The following MBNL2 variants were observed in gnomAD, a reference collection of about 807,000 sequenced individuals.
The protein encoded by MBNL2 is muscleblind like splicing regulator 2.
In MBNL2, 17 loss-of-function variants were observed where a neutral mutation model predicts 41.9. That is an observed-to-expected ratio of 0.41 (90% CI 0.28 to 0.61). The LOEUF (loss-of-function observed/expected upper bound fraction) is 0.61, where lower values mean the gene tolerates loss of function less well. Ranked by LOEUF, MBNL2 falls within the 20% of genes least tolerant of loss-of-function variation. The pLI is 0.35. For synonymous variants in MBNL2, 195 were observed against 182.9 expected (o/e 1.07, Z -0.53); for missense variants, 336 against 505.6 (o/e 0.66, Z 3.22).
chr13:97,336,353 G>A (rs1307609702), intron 3 of MBNL2, among the ~76,000 whole-genome samples: 1 of 151,748 alleles, frequency 6.6e-6, no homozygotes, highest in South Asian at 2.1e-4. Flanking sequence ...GAGTATACGT[G>A]GCTGAATAAT....
intron 1 of MBNL2, among the ~76,000 whole-genome samples, chr13:97,262,012 A>G (rs1337503986): frequency 1.3e-5 from 2 of 152,152 alleles, no homozygotes; most frequent in African/African-American, 4.8e-5. Flanking sequence ...AATGAAAGAA[A>G]CGTGGGAAGG....
intron 8 of MBNL2, among the ~76,000 whole-genome samples, chr13:97,369,224 A>G (rs138758367): frequency 3.7e-4 from 56 of 152,334 alleles, no homozygotes; most frequent in African/African-American, 1.2e-3. Flanking sequence ...ACAAGTTATC[A>G]TCTTGTTAAG....
chr13:97,232,049 G>A (rs766844439), intron 1 of MBNL2, among the ~76,000 whole-genome samples: 10 of 151,884 alleles, frequency 6.6e-5, no homozygotes, highest in Admixed American at 2.0e-4. Flanking sequence ...CATTAACATC[G>A]CATTTATTTA....
At chr13:97,328,828 G>A (rs1332496151) in intron 2 of MBNL2, among the ~76,000 whole-genome samples, 5 of 151,870 alleles carry the variant, frequency 3.3e-5, no homozygotes, top group African/African-American at 1.2e-4. Flanking sequence ...TCTTTTTTGT[G>A]CCCATATTTT....
At chr13:97,356,152 G>A (rs1318922964) in intron 5 of MBNL2, among the ~76,000 whole-genome samples, 1 of 152,102 alleles carries the variant, frequency 6.6e-6, no homozygotes, top group African/African-American at 2.4e-5. Context: ...GTGAAGACAA[G>A]AATTGAGACA....
At chr13:97,218,436 A>AAAACAAAC (rs762731020), upstream of MBNL2, among the ~76,000 whole-genome samples, 2,097 of 108,226 alleles carry the variant, frequency 0.019, 89 homozygotes, top group African/African-American at 0.089. Flanking sequence ...AAAACAAAAC[A>AAAACAAAC]AAACAAAAAA....
At chr13:97,326,513 C>G (rs967279516) in intron 2 of MBNL2, among the ~76,000 whole-genome samples, 2 of 152,104 alleles carry the variant, frequency 1.3e-5, no homozygotes, top group East Asian at 1.9e-4. Flanking sequence ...TATGTTGAAC[C>G]AAATAATAAA....
intron 8 of MBNL2, among the ~76,000 whole-genome samples, chr13:97,371,012 AGT>A (rs1416124755): frequency 6.6e-6 from 1 of 152,220 alleles, no homozygotes; most frequent in Non-Finnish European, 1.5e-5. Flanking sequence ...TTAATCTTAG[AGT>A]GTACATTAGA....
chr13:97,257,126 A>G (rs1438775153), intron 1 of MBNL2, among the ~76,000 whole-genome samples: 1 of 151,734 alleles, frequency 6.6e-6, no homozygotes, highest in Non-Finnish European at 1.5e-5. Context: ...TAATCTGCAT[A>G]CCAGTAAAAG....
intron 2 of MBNL2, among the ~76,000 whole-genome samples, chr13:97,308,823 GA>G (rs1189036821): frequency 1.3e-5 from 2 of 152,228 alleles, no homozygotes; most frequent in East Asian, 3.8e-4. Flanking sequence ...TGCTCTTAAG[GA>G]AGGTACAGTC....
At chr13:97,190,850 A>G in the MBNL2 span, among the ~76,000 whole-genome samples, 1 of 152,210 alleles carries the variant, frequency 6.6e-6, no homozygotes, top group Non-Finnish European at 1.5e-5. Context: ...AGAATACATC[A>G]GCTTCAAACA....
At chr13:97,181,327 C>T in the MBNL2 span, among the ~76,000 whole-genome samples, 1 of 152,124 alleles carries the variant, frequency 6.6e-6, no homozygotes, top group Non-Finnish European at 1.5e-5. Flanking sequence ...TCTCTAGGGA[C>T]CACTGTTCTG....
chr13:97,143,672 T>C, the MBNL2 span, among the ~76,000 whole-genome samples: 1 of 152,150 alleles, frequency 6.6e-6, no homozygotes, highest in Non-Finnish European at 1.5e-5. Flanking sequence ...ACAATGCAGT[T>C]ACTTCCTAGG....
chr13:97,210,773 CT>C, the MBNL2 span, among the ~76,000 whole-genome samples: 1 of 151,736 alleles, frequency 6.6e-6, no homozygotes, highest in South Asian at 2.1e-4. Flanking sequence ...TGGTCTTAAA[CT>C]TCTGGCCGCA....
chr13:97,375,625 T>C (rs567757947), intron 8 of MBNL2, among the ~76,000 whole-genome samples: 2 of 152,328 alleles, frequency 1.3e-5, no homozygotes, highest in East Asian at 3.9e-4. Context: ...CGGGACTCTG[T>C]TTCCCTGTTT....
At chr13:97,255,603 T>C (rs2047372799) in intron 1 of MBNL2, among the ~76,000 whole-genome samples, 1 of 152,220 alleles carries the variant, frequency 6.6e-6, no homozygotes. Context: ...CATTTTCAAA[T>C]AAACAATTAG....
chr13:97,164,360 C>G, the MBNL2 span, among the ~76,000 whole-genome samples: 1 of 152,114 alleles, frequency 6.6e-6, no homozygotes, highest in East Asian at 1.9e-4. Flanking sequence ...ATTTTTATGC[C>G]TTTTGGTTCT....
At chr13:97,277,651 G>A (rs566454055) in intron 2 of MBNL2, among the ~76,000 whole-genome samples, 96 of 152,190 alleles carry the variant, frequency 6.3e-4, no homozygotes, top group African/African-American at 2.1e-3. Context: ...TACACTCAAA[G>A]CAGGAAAATG....
intron 1 of MBNL2, among the ~76,000 whole-genome samples, chr13:97,269,136 C>G (rs1156890667): frequency 6.6e-6 from 1 of 152,188 alleles, no homozygotes; most frequent in Non-Finnish European, 1.5e-5. Context: ...CAAACATTGC[C>G]TAGGTTCTGC....
Sources: allele counts gnomAD v4.1 joint callset (sites outside exome capture counted in the v4.1 genomes callset), GRCh38; gene constraint gnomAD v4.1.1; transcripts MANE v1.5; gene names NCBI Gene and HGNC (gene_info 2026-07-23, HGNC 2026-07-21).